The following CSMD1 variants were observed in gnomAD, a reference collection of about 807,000 sequenced individuals.
CSMD1 encodes CUB and sushi domain-containing protein 1.
A neutral mutation model predicts 417.5 loss-of-function variants in CSMD1; 213 were observed. That is an observed-to-expected ratio of 0.51 (90% CI 0.46 to 0.57). The LOEUF (loss-of-function observed/expected upper bound fraction) is 0.57. Ranked by LOEUF, CSMD1 falls within the 20% of genes least tolerant of loss-of-function variation. CSMD1 has a pLI of 0.00. For synonymous variants in CSMD1, 2,862 were observed against 1,736.8 expected, an observed-to-expected ratio of 1.65 and a Z score of -16.11; for missense variants, 6,923 against 4,529.7, an observed-to-expected ratio of 1.53 and a Z score of -15.17.
At chr8:3,266,081 C>G (rs574668980) in intron 26 of CSMD1, among the ~76,000 whole-genome samples, 1 of 151,734 alleles carries the variant, frequency 6.6e-6, no homozygotes, top group African/African-American at 2.4e-5. Context: ...GAATCCATGT[C>G]CATGCCTGGG....
In CSMD1 at chr8:4,738,179, T is replaced by C. The variant is rs567012927; in HGVS notation, c.86-100621A>G. Among the ~76,000 whole-genome samples, 9 of 152,350 alleles carry C rather than the reference T, an allele frequency of 5.9e-5. No homozygotes were observed. In the South Asian group the frequency reaches 8.3e-4, roughly 14 times the overall value. On this transcript the variant is annotated intron_variant, in intron 1 of 69. Transcript: ENST00000635120. ...TATCAGGTTAGTTTATTTGGTTTGA[T>C]AGACTTTCAAATAGTCCGTTTTTAT...
At position 3,468,731 on chromosome 8, in the gene CSMD1, C is replaced by A. The variant is rs767050834; in HGVS notation, c.1542G>T (p.Gly514=). 2.5e-6 allele frequency: 4 copies of A among 1,603,856 alleles called. No homozygotes were observed. The highest frequency in any genetic ancestry group is 3.4e-5 in the Admixed American group (2 of 58,818). The part of the protein sequence containing the change: ...LQSDDSIGSP[G]FKAVYQEIEK... ...TCATACCTTGGTAAACAGCTTTAAA[C>A]CCAGGTGAGCCAATGCTATCATCCG... Residue 514 remains glycine (G), a synonymous_variant, in exon 12 of 70, where the codon GGG becomes GGT. Transcript: ENST00000635120.
chr8:3,944,350 T>C (rs897147748), intron 5 of CSMD1, among the ~76,000 whole-genome samples: 2 of 152,160 alleles, frequency 1.3e-5, no homozygotes, highest in Non-Finnish European at 1.5e-5. Flanking sequence ...AGAATAATTT[T>C]TGTACCAAAA....
At chr8:3,146,927 G>C (rs1030068086) in intron 40 of CSMD1, among the ~76,000 whole-genome samples, 2 of 152,168 alleles carry the variant, frequency 1.3e-5, no homozygotes, top group African/African-American at 4.8e-5. Flanking sequence ...GCAATCCCAT[G>C]CTTATCCAGT....
intron 1 of CSMD1, among the ~76,000 whole-genome samples, chr8:4,876,661 G>A (rs1254370659): frequency 1.3e-5 from 2 of 152,084 alleles, no homozygotes; most frequent in Non-Finnish European, 2.9e-5. Context: ...AATGTGTTGT[G>A]TTTTAAGTGC....
intron 55 of CSMD1, among the ~76,000 whole-genome samples, chr8:2,974,933 T>C (rs1206505907): frequency 6.6e-6 from 1 of 152,206 alleles, no homozygotes; most frequent in Non-Finnish European, 1.5e-5. Context: ...CCATCGACCC[T>C]TAACTATATT....
chr8:3,160,868 C>T (rs547966673), intron 38 of CSMD1, among the ~76,000 whole-genome samples: 1 of 152,270 alleles, frequency 6.6e-6, no homozygotes, highest in South Asian at 2.1e-4. Flanking sequence ...CAGCGTTTGC[C>T]AGCCCCTGTT....
At chr8:3,827,435 TA>T (rs1802118899) in intron 5 of CSMD1, among the ~76,000 whole-genome samples, 1 of 152,202 alleles carries the variant, frequency 6.6e-6, no homozygotes, top group African/African-American at 2.4e-5. Flanking sequence ...CACATCTTAT[TA>T]AGCAAATATT....
At chr8:3,966,759 G>A (rs2627474) in intron 5 of CSMD1, among the ~76,000 whole-genome samples, 93,643 of 144,922 alleles carry the variant, frequency 0.65, 29,531 homozygotes, top group East Asian at 0.93. Flanking sequence ...ACACACGCGC[G>A]CGCGCGCACA....
chr8:4,472,057 C>T (rs1405900814), intron 2 of CSMD1, among the ~76,000 whole-genome samples: 1 of 152,152 alleles, frequency 6.6e-6, no homozygotes, highest in African/African-American at 2.4e-5. Flanking sequence ...AGATTTAATG[C>T]TTAGCTGGGA....
At chr8:4,822,727 G>A (rs765856316) in intron 1 of CSMD1, among the ~76,000 whole-genome samples, 29 of 152,066 alleles carry the variant, frequency 1.9e-4, no homozygotes, top group Non-Finnish European at 3.7e-4. Flanking sequence ...GCTTTCATAA[G>A]AATGATTCAC....
intron 3 of CSMD1, among the ~76,000 whole-genome samples, chr8:4,352,122 G>A (rs553755175): frequency 6.6e-6 from 1 of 152,168 alleles, no homozygotes; most frequent in African/African-American, 2.4e-5. Flanking sequence ...GAATGAGGTG[G>A]ACTGGCCTGT....
intron 3 of CSMD1, among the ~76,000 whole-genome samples, chr8:4,376,851 C>G (rs1382046799): frequency 1.3e-5 from 2 of 152,144 alleles, no homozygotes; most frequent in Non-Finnish European, 2.9e-5. Flanking sequence ...TTTGTAAGTG[C>G]TTCTCTGTTA....
chr8:4,088,384 G>C (rs568745365), intron 3 of CSMD1, among the ~76,000 whole-genome samples: 2 of 152,314 alleles, frequency 1.3e-5, no homozygotes, highest in Admixed American at 6.5e-5. Flanking sequence ...GCGGGAAAGA[G>C]CTTTGTCGGT....
At chr8:3,766,236 G>C (rs531080459) in intron 5 of CSMD1, among the ~76,000 whole-genome samples, 3 of 152,280 alleles carry the variant, frequency 2.0e-5, no homozygotes, top group African/African-American at 4.8e-5. Context: ...CCGGATGAGA[G>C]AGCTGTCATG....
At chr8:4,881,814 C>G (rs896263322) in intron 1 of CSMD1, among the ~76,000 whole-genome samples, 1 of 151,902 alleles carries the variant, frequency 6.6e-6, no homozygotes, top group African/African-American at 2.4e-5. Context: ...TGATTTGGGC[C>G]TATAAGTAAA....
chr8:3,892,608 C>T (rs954172924), intron 5 of CSMD1, among the ~76,000 whole-genome samples: 2 of 151,856 alleles, frequency 1.3e-5, no homozygotes, highest in Non-Finnish European at 2.9e-5. Context: ...CCCACTCCTA[C>T]TTTCACTCTG....
chr8:4,471,566 G>T lies in CSMD1; in HGVS notation c.303-51501C>A, dbSNP rs1345796472. On this transcript the variant is annotated intron_variant, in intron 2 of 69. Transcript: ENST00000635120. Reference sequence around the variant, plus strand: ...GAACCAGTGCATGGTGTTTAATAACGAAGGCCCGTTTTAGAGAGAGGTGCA... The same window carrying T: ...GAACCAGTGCATGGTGTTTAATAACTAAGGCCCGTTTTAGAGAGAGGTGCA... Among the ~76,000 whole-genome samples the T allele has an allele frequency of 2.0e-5, 3 of 152,100 alleles. No individual in the cohort carries two copies. In the East Asian group the frequency reaches 5.8e-4, roughly 29 times the overall value.
intron 1 of CSMD1, among the ~76,000 whole-genome samples, chr8:4,720,496 T>C (rs1294394410): frequency 1.3e-5 from 2 of 152,134 alleles, no homozygotes; most frequent in Non-Finnish European, 2.9e-5. Flanking sequence ...CGGCGCACTA[T>C]AACCTCTGCC....
Sources: gnomAD v4.1 joint callset for allele counts (sites outside exome capture counted in the v4.1 genomes callset) on GRCh38, gnomAD v4.1.1 for gene constraint, MANE v1.5 for transcripts, NCBI Gene and HGNC (gene_info 2026-07-23, HGNC 2026-07-21) for gene names.